RBM10: variants seen among roughly 807,000 people sequenced by gnomAD.
RBM10 encodes the protein RNA-binding protein 10.
RBM10 carries 1 observed loss-of-function variant against 84.9 expected under a neutral mutation model. The ratio of observed to expected loss-of-function variants is 0.01; its 90% CI spans 0.00 to 0.06. The LOEUF (loss-of-function observed/expected upper bound fraction) is 0.06, where lower values mean the gene tolerates loss of function less well. Ranked by LOEUF, RBM10 falls within the 10% of genes least tolerant of loss-of-function variation. The pLI is 1.00. For missense variants in RBM10, 438 were observed against 839.0 expected, an observed-to-expected ratio of 0.52 and a Z score of 5.90; for synonymous variants, 326 against 344.5, an observed-to-expected ratio of 0.95 and a Z score of 0.60.
intron 2 of RBM10, among the ~76,000 whole-genome samples, chrX:47,152,774 G>GACAC (rs370048928): frequency 0.043 from 3,467 of 80,301 alleles, 113 homozygotes; most frequent in South Asian, 0.099. Context: ...TCTTTACATA[G>GACAC]ACACACACAC....
intron 4 of RBM10, among the ~76,000 whole-genome samples, chrX:47,171,799 C>T (rs1319027623): frequency 8.9e-6 from 1 of 111,912 alleles, no homozygotes; most frequent in Non-Finnish European, 1.9e-5. Flanking sequence ...ACATACTTCT[C>T]ATGACAGCCA....
intron 9 of RBM10, 35 bp downstream of exon 9, chrX:47,179,530 G>A (rs1935378699): frequency 1.7e-6 from 2 of 1,177,655 alleles, no homozygotes; most frequent in Non-Finnish European, 2.3e-6. Flanking sequence ...CTGTGCCCTA[G>A]GGTGTCGGGC....
intron 6 of RBM10, 128 bp downstream of exon 6, chrX:47,175,220 C>T: frequency 1.9e-6 from 1 of 514,529 alleles, no homozygotes; most frequent in Non-Finnish European, 3.5e-6. Context: ...CCCGCCCCCT[C>T]TCTCCCCTTC....
chrX:47,160,069 G>A (rs1194560936), intron 2 of RBM10, among the ~76,000 whole-genome samples: 2 of 111,978 alleles, frequency 1.8e-5, no homozygotes, highest in Admixed American at 9.5e-5. Flanking sequence ...CCTGAGAGGC[G>A]GAGGTTGCAG....
intron 2 of RBM10, among the ~76,000 whole-genome samples, chrX:47,152,441 C>CTTTTTTTTTTTTT (rs782688935): frequency 1.5e-5 from 1 of 65,235 alleles, no homozygotes; most frequent in Non-Finnish European, 2.6e-5. Context: ...CACTCTATAT[C>CTTTTTTTTTTTTT]TTTTTTTTTT....
chrX:47,163,907 C>T (rs1402501323), intron 2 of RBM10, among the ~76,000 whole-genome samples: 21 of 52,685 alleles, frequency 4.0e-4, no homozygotes, highest in African/African-American at 1.4e-3. Flanking sequence ...CTCACTCTGT[C>T]GCCCAGGCTG....
At chrX:47,167,536 G>A (rs1934327417) in intron 2 of RBM10, among the ~76,000 whole-genome samples, 1 of 110,816 alleles carries the variant, frequency 9.0e-6, no homozygotes, top group Non-Finnish European at 1.9e-5. Flanking sequence ...GCTAATTTTT[G>A]TATTTTTGGT....
At chrX:47,154,919 G>A (rs928424822) in intron 2 of RBM10, among the ~76,000 whole-genome samples, 2 of 108,740 alleles carry the variant, frequency 1.8e-5, no homozygotes, top group Non-Finnish European at 3.8e-5. Context: ...AGGCCGAGGC[G>A]GGTGAATCAC....
At chrX:47,166,026 T>TA (rs1207042384) in intron 2 of RBM10, among the ~76,000 whole-genome samples, 1 of 103,513 alleles carries the variant, frequency 9.7e-6, no homozygotes, top group African/African-American at 3.5e-5. Context: ...TCTCAAAATT[T>TA]AAAAAAAAAA....
intron 2 of RBM10, chrX:47,157,782 T>A: frequency 5.5e-6 from 1 of 181,774 alleles, no homozygotes; most frequent in East Asian, 1.1e-4. Context: ...CTGCATGACT[T>A]TTTTTTTTTT....
chrX:47,149,925 A>G (rs1401730411), intron 2 of RBM10, among the ~76,000 whole-genome samples: 4 of 105,941 alleles, frequency 3.8e-5, no homozygotes, highest in Non-Finnish European at 7.8e-5. Flanking sequence ...GGTTCAAGCA[A>G]TTCTCCTGCC....
chrX:47,154,436 TTTTTTTG>T (rs1932925979), intron 2 of RBM10, among the ~76,000 whole-genome samples: 1 of 108,983 alleles, frequency 9.2e-6, no homozygotes, highest in South Asian at 3.9e-4. Context: ...TTTTTCCTTT[TTTTTTTG>T]TTTGTTTGTT....
intron 2 of RBM10, among the ~76,000 whole-genome samples, chrX:47,159,789 C>T (rs1341638840): frequency 1.8e-5 from 2 of 111,645 alleles, no homozygotes; most frequent in Admixed American, 9.6e-5. Context: ...AGAATGAAAC[C>T]GGACCCTTAC....
intron 1 of RBM10, 151 bp downstream of exon 1, chrX:47,145,636 GTTTTTTTTTTTTT>G (rs1160810665): frequency 1.4e-5 from 1 of 69,035 alleles, no homozygotes; most frequent in East Asian, 3.7e-4. Context: ...TTTTTTTTTG[GTTTTTTTTTTTTT>G]TTTTTTTTTT....
chrX:47,181,483 T>C (rs782626173), intron 13 of RBM10, 24 bp from the exon 14 acceptor site: 5 of 1,211,436 alleles, frequency 4.1e-6, no homozygotes, highest in Non-Finnish European at 5.6e-6. Context: ...ACAGGCATTG[T>C]CCCTGCCCTG....
chrX:47,161,032 T>C (rs1288497764), intron 2 of RBM10, among the ~76,000 whole-genome samples: 1 of 111,923 alleles, frequency 8.9e-6, no homozygotes, highest in Non-Finnish European at 1.9e-5. Flanking sequence ...CAGAGCTCAC[T>C]GCAGCCTCTG....
chrX:47,159,136 G>A (rs996852904), intron 2 of RBM10, among the ~76,000 whole-genome samples: 2 of 112,366 alleles, frequency 1.8e-5, no homozygotes, highest in Non-Finnish European at 3.8e-5. Context: ...GTGGCCAGGC[G>A]CCATGGCCCA....
chrX:47,150,844 T>C (rs1348524211), intron 2 of RBM10, among the ~76,000 whole-genome samples: 1 of 112,116 alleles, frequency 8.9e-6, no homozygotes, highest in Non-Finnish European at 1.9e-5. Flanking sequence ...TCAAAGTCCC[T>C]CAAAAACAAC....
intron 2 of RBM10, among the ~76,000 whole-genome samples, chrX:47,166,522 G>A (rs782155434): frequency 1.6e-4 from 17 of 108,097 alleles, no homozygotes; most frequent in African/African-American, 2.7e-4. Flanking sequence ...AGGCTGGAGC[G>A]CAGTGGTACA....
Sources: gnomAD v4.1 joint callset for allele counts (sites outside exome capture counted in the v4.1 genomes callset) on GRCh38, gnomAD v4.1.1 for gene constraint, MANE v1.5 for transcripts, NCBI Gene and HGNC (gene_info 2026-07-23, HGNC 2026-07-21) for gene names.